Variants in CHRDL1 observed in about 807,000 individuals in gnomAD.
The protein encoded by CHRDL1 is chordin like 1.
Under a neutral mutation model 40.9 loss-of-function variants are expected in CHRDL1, and 19 were observed. The ratio of observed to expected loss-of-function variants is 0.46; its 90% CI spans 0.32 to 0.68. CHRDL1 has a LOEUF of 0.68. CHRDL1 is among the 30% of genes least tolerant of loss of function. CHRDL1 has a pLI of 0.03. For synonymous variants in CHRDL1, 136 were observed against 123.4 expected (o/e 1.10, Z -0.68); for missense variants, 329 against 352.1 (o/e 0.93, Z 0.53).
At chrX:110,718,453 C>A (rs1014729733) in intron 6 of CHRDL1, among the ~76,000 whole-genome samples, 1 of 112,387 alleles carries the variant, frequency 8.9e-6, no homozygotes, top group Admixed American at 9.4e-5. Flanking sequence ...CTTCCCATGG[C>A]CTTCAGAATC....
intron 9 of CHRDL1, among the ~76,000 whole-genome samples, chrX:110,684,079 C>T (rs1223337381): frequency 2.7e-5 from 3 of 111,306 alleles, no homozygotes; most frequent in Non-Finnish European, 5.7e-5. Context: ...GAGTTTGGCA[C>T]GACAGTGTGA....
At chrX:110,740,596 A>G (rs2071343109) in intron 4 of CHRDL1, among the ~76,000 whole-genome samples, 1 of 112,532 alleles carries the variant, frequency 8.9e-6, no homozygotes, top group Non-Finnish European at 1.9e-5. Context: ...TTGCTACTGC[A>G]TCATACTTTA....
intron 9 of CHRDL1, among the ~76,000 whole-genome samples, chrX:110,685,157 T>C (rs1416687563): frequency 8.9e-6 from 1 of 112,532 alleles, no homozygotes; most frequent in Non-Finnish European, 1.9e-5. Flanking sequence ...AAATAAGAGT[T>C]ACCCATAATT....
intron 6 of CHRDL1, among the ~76,000 whole-genome samples, chrX:110,714,468 C>A (rs757409959): frequency 9.0e-6 from 1 of 111,665 alleles, no homozygotes; most frequent in South Asian, 3.8e-4. Context: ...TGGAGGCTAT[C>A]ATCCTTAGCA....
intron 2 of CHRDL1, among the ~76,000 whole-genome samples, chrX:110,787,089 T>C (rs1332476502): frequency 8.9e-6 from 1 of 111,758 alleles, no homozygotes; most frequent in Admixed American, 9.5e-5. Context: ...GAGTTTCAAG[T>C]TTCTCACCTT....
At chrX:110,716,249 C>T (rs2070839264) in intron 6 of CHRDL1, among the ~76,000 whole-genome samples, 1 of 110,660 alleles carries the variant, frequency 9.0e-6, no homozygotes, top group South Asian at 3.9e-4. Flanking sequence ...CACAGTCAAT[C>T]AGTAATTCAG....
chrX:110,703,387 A>G (rs1488266471), intron 6 of CHRDL1, among the ~76,000 whole-genome samples: 1 of 112,409 alleles, frequency 8.9e-6, no homozygotes, highest in Admixed American at 9.5e-5. Flanking sequence ...GTTTTATTCC[A>G]TGTCTGAGTA....
chrX:110,795,135 G>A (rs930601634), intron 1 of CHRDL1, among the ~76,000 whole-genome samples: 1 of 112,023 alleles, frequency 8.9e-6, no homozygotes, highest in Non-Finnish European at 1.9e-5. Context: ...CCTTCAAAAT[G>A]GGCACTGGGG....
At chrX:110,685,541 G>T (rs1299389577) in intron 9 of CHRDL1, among the ~76,000 whole-genome samples, 1 of 112,195 alleles carries the variant, frequency 8.9e-6, no homozygotes, top group Non-Finnish European at 1.9e-5. Flanking sequence ...GGGATTACAA[G>T]CATGGGCCAC....
At chrX:110,763,933 T>A (rs187450876) in intron 2 of CHRDL1, among the ~76,000 whole-genome samples, 20 of 112,060 alleles carry the variant, frequency 1.8e-4, no homozygotes, top group African/African-American at 6.2e-4. Flanking sequence ...TGCATTTGAT[T>A]ATGGTCATTC....
At position 110,699,598 on chromosome X, in the gene CHRDL1, T is replaced by A. The variant is rs930078297; in HGVS notation, c.609+1056A>T. Among the ~76,000 whole-genome samples the A allele has an allele frequency of 1.9e-4, 21 of 112,649 alleles. 1 individual carries two copies. Among genetic ancestry groups the A allele is most frequent in the African/African-American group, 6.8e-4 (21 of 30,997 alleles). ...TCTACTCCTTTAAGATTAGCACACC[T>A]GACATGTTGGTATGTGACCTTCCAG... On this transcript the variant is annotated intron_variant, in intron 7 of 11. Transcript: ENST00000372042.
At chrX:110,759,206 T>C (rs2089513866) in intron 4 of CHRDL1, among the ~76,000 whole-genome samples, 1 of 112,410 alleles carries the variant, frequency 8.9e-6, no homozygotes, top group South Asian at 3.7e-4. Context: ...CAGGCAGCTT[T>C]ATACTGTCAT....
chrX:110,704,395 T>A (rs910446898), intron 6 of CHRDL1, among the ~76,000 whole-genome samples: 1 of 111,954 alleles, frequency 8.9e-6, no homozygotes, highest in Non-Finnish European at 1.9e-5. Flanking sequence ...GGGGTTCCTA[T>A]GATAAAACTG....
At chrX:110,795,629 T>C (rs1303794989) in intron 1 of CHRDL1, 115 bp downstream of exon 1, 1 of 111,548 alleles carries the variant, frequency 9.0e-6, no homozygotes, top group Non-Finnish European at 1.9e-5. Context: ...GCAGGGGAAT[T>C]TGGGGCACCC....
chrX:110,732,240 C>A (rs1344997921), intron 4 of CHRDL1, among the ~76,000 whole-genome samples: 1 of 110,962 alleles, frequency 9.0e-6, no homozygotes, highest in Admixed American at 9.6e-5. Flanking sequence ...AGTGGGTCAG[C>A]CAGACAGCTC....
chrX:110,689,484 C>CTA lies in CHRDL1; in HGVS notation c.779-683_779-682dup, dbSNP rs1318432526. Among the ~76,000 whole-genome samples, 27 of 34,239 alleles carry CTA rather than the reference C, an allele frequency of 7.9e-4. 4 individuals are homozygous for CTA. The highest frequency in any genetic ancestry group is 6.5e-3 in the African/African-American group (16 of 2,459). The allele number at this position is 34,239 out of a possible 115,157, so 29.7% of individuals were successfully genotyped here. A position where few individuals can be genotyped will look rare whatever the true frequency, so the allele number is the denominator to read the frequency against. On this transcript the variant is annotated intron_variant, in intron 8 of 11. Transcript: ENST00000372042. ...TATATATATCTATATATCTATATATCTATATCTCTATATATCTATATATCT... is the reference window on the plus strand; with the variant it reads ...TATATATATCTATATATCTATATATCTATATATCTCTATATATCTATATATCT...
chrX:110,776,092 T>C (rs1286752622), intron 2 of CHRDL1, among the ~76,000 whole-genome samples: 1 of 112,198 alleles, frequency 8.9e-6, no homozygotes, highest in Non-Finnish European at 1.9e-5. Flanking sequence ...ATGTAAGATA[T>C]CACTGCTATT....
At chrX:110,725,823 T>C (rs1044149795) in intron 4 of CHRDL1, among the ~76,000 whole-genome samples, 1 of 112,068 alleles carries the variant, frequency 8.9e-6, no homozygotes, top group South Asian at 3.8e-4. Flanking sequence ...TTTCTTCTGA[T>C]GGCTGAGCCT....
At position 110,709,501 on chromosome X, in the gene CHRDL1, G is replaced by A. The variant is rs534909363; in HGVS notation, c.542-8780C>T. 2.1e-4 allele frequency among the ~76,000 whole-genome samples: 24 copies of A among 112,488 alleles called. No homozygotes were observed. The South Asian group carries it at 8.9e-3, about 42-fold the overall frequency. On this transcript the variant is annotated intron_variant, in intron 6 of 11. Coordinates refer to ENST00000372042, the MANE Select transcript of CHRDL1 (RefSeq NM_001143981.2). ...GGGTCCTGGAGATATTTTTAAAAAT[G>A]GCTAGAGAGATTTCTTCGGCTCACA...
Sources: allele counts gnomAD v4.1 joint callset (sites outside exome capture counted in the v4.1 genomes callset), GRCh38; gene constraint gnomAD v4.1.1; transcripts MANE v1.5; gene names NCBI Gene and HGNC (gene_info 2026-07-23, HGNC 2026-07-21).